Variants in PCDHGA1 observed in about 807,000 individuals in gnomAD.
The protein encoded by PCDHGA1 is protocadherin gamma subfamily A, 1.
A neutral mutation model predicts 58.0 loss-of-function variants in PCDHGA1; 32 were observed. The ratio of observed to expected loss-of-function variants is 0.55; its 90% CI spans 0.42 to 0.74. PCDHGA1 has a LOEUF of 0.74. Ranked by LOEUF, PCDHGA1 falls within the 30% of genes least tolerant of loss-of-function variation. The pLI, the probability that PCDHGA1 is intolerant of heterozygous loss-of-function variation, is 0.00. For missense variants in PCDHGA1, 1,205 were observed against 1,182.3 expected, an observed-to-expected ratio of 1.02 and a Z score of -0.28; for synonymous variants, 498 against 501.1, an observed-to-expected ratio of 0.99 and a Z score of 0.08.
intron 1 of PCDHGA1, among the ~76,000 whole-genome samples, chr5:141,455,549 C>G (rs911113181): frequency 1.3e-5 from 2 of 152,042 alleles, no homozygotes; most frequent in Non-Finnish European, 2.9e-5. Flanking sequence ...TCACGTAGCC[C>G]GAGAAAAAGC....
Position 141,366,053 on chromosome 5 carries a change from G to C in PCDHGA1, c.2421+32948G>C, listed in dbSNP as rs202185929. 161 of 1,614,252 alleles carry C rather than the reference G, an allele frequency of 1.0e-4. 1 individual carries two copies. The African/African-American group carries it at 1.7e-3, about 17-fold the overall frequency. On this transcript the variant is annotated intron_variant, in intron 1 of 3. Transcript: ENST00000517417. ...CCTCCCCACAGACGGTTCCACGGGCGTGGAGCTGGCGCCTCGCTCCGCAGA... is the reference window on the plus strand; with the variant it reads ...CCTCCCCACAGACGGTTCCACGGGCCTGGAGCTGGCGCCTCGCTCCGCAGA...
intron 1 of PCDHGA1, chr5:141,385,035 G>C: frequency 6.2e-7 from 1 of 1,614,164 alleles, no homozygotes; most frequent in East Asian, 2.2e-5. Context: ...TCGTACTGCT[G>C]GCGCTCAGGC....
At chr5:141,375,365 G>A (rs1227294856) in intron 1 of PCDHGA1, 1 of 1,613,790 alleles carries the variant, frequency 6.2e-7, no homozygotes, top group Non-Finnish European at 8.5e-7. Flanking sequence ...CACGGACAAA[G>A]GAACACCACC....
At chr5:141,405,330 T>C (rs750658260) in intron 1 of PCDHGA1, 1 of 1,614,206 alleles carries the variant, frequency 6.2e-7, no homozygotes, top group East Asian at 2.2e-5. Context: ...CCTTTGTGCG[T>C]CTCTGTTGAT....
intron 1 of PCDHGA1, chr5:141,374,893 T>C (rs1261699013): frequency 1.9e-6 from 3 of 1,613,834 alleles, no homozygotes. Context: ...CCGACCAGGA[T>C]GAAGGAGTCC....
rs527630741 is a variant in PCDHGA1, at chr5:141,493,568, G to A, written c.2422-1239G>A. ...TTGGAGATTGAGTTCCCCCAGCTCC[G>A]TTTCCTCCTATCACAATCACTGCAT... is the stretch of plus-strand genomic sequence containing the variant. On this transcript the variant is annotated intron_variant, in intron 1 of 3. Coordinates refer to ENST00000517417, the MANE Select transcript of PCDHGA1 (RefSeq NM_018912.3). This position sits in a 1 kb window ranked among gnomAD's most constrained non-coding sequence, Gnocchi z 4.3. 3.9e-5 allele frequency among the ~76,000 whole-genome samples: 6 copies of A among 152,250 alleles called. No homozygotes were observed. Among genetic ancestry groups the A allele is most frequent in the African/African-American group, 9.6e-5 (4 of 41,550 alleles).
intron 1 of PCDHGA1, chr5:141,403,515 G>A: frequency 6.2e-7 from 1 of 1,614,024 alleles, no homozygotes; most frequent in Non-Finnish European, 8.5e-7. Context: ...GGAGACAATG[G>A]AGCCATAAAC....
At chr5:141,384,620 G>T in intron 1 of PCDHGA1, 1 of 1,614,200 alleles carries the variant, frequency 6.2e-7, no homozygotes, top group Non-Finnish European at 8.5e-7. Flanking sequence ...GGTTCTACTG[G>T]CATGGAGCTG....
chr5:141,365,759 C>T (rs376978243), intron 1 of PCDHGA1: 1 of 1,613,860 alleles, frequency 6.2e-7, no homozygotes, highest in South Asian at 1.1e-5. Flanking sequence ...TGTGACAGCC[C>T]ATGACCCCGA....
chr5:141,383,476 G>A, intron 1 of PCDHGA1: 1 of 1,613,748 alleles, frequency 6.2e-7, no homozygotes, highest in Non-Finnish European at 8.5e-7. Flanking sequence ...TAAGTACCCG[G>A]AACTGGTGCT....
rs187488785 is a variant in PCDHGA1 at position 141,461,744 on chromosome 5, C to T, written c.2422-33063C>T. 5.9e-5 allele frequency among the ~76,000 whole-genome samples: 9 copies of T among 152,302 alleles called. No individual in the cohort carries two copies. The East Asian group carries it at 1.7e-3, about 29-fold the overall frequency. On this transcript the variant is annotated intron_variant, in intron 1 of 3. Transcript: ENST00000517417. ...GGAGTGCAGTGGCACAATCCCGGCT[C>T]CCAGATTCAAGCGATTCTCCTGCCT...
At chr5:141,398,895 A>G (rs2093721929) in intron 1 of PCDHGA1, 3 of 1,613,988 alleles carry the variant, frequency 1.9e-6, no homozygotes, top group African/African-American at 1.3e-5. Flanking sequence ...AAAACGTGCC[A>G]CCAGGCACCA....
intron 1 of PCDHGA1, chr5:141,340,417 C>T (rs745593461): frequency 1.2e-6 from 2 of 1,614,196 alleles, no homozygotes; most frequent in East Asian, 2.2e-5. Flanking sequence ...CCGACAGCAA[C>T]GACAATGCTC....
intron 1 of PCDHGA1, chr5:141,371,564 C>T (rs1767846992): frequency 6.2e-7 from 1 of 1,613,818 alleles, no homozygotes; most frequent in Non-Finnish European, 8.5e-7. Context: ...AAGGAAACTT[C>T]CCCTTTAAAA....
chr5:141,423,809 G>C, intron 1 of PCDHGA1: 1 of 1,260,030 alleles, frequency 7.9e-7, no homozygotes, highest in Non-Finnish European at 1.0e-6. Context: ...ATACATGTGA[G>C]TTTTACTTTG....
intron 1 of PCDHGA1, among the ~76,000 whole-genome samples, chr5:141,368,668 C>T (rs1198992123): frequency 1.3e-5 from 2 of 152,072 alleles, no homozygotes; most frequent in East Asian, 3.9e-4. Flanking sequence ...TCTTTAAACC[C>T]TCTATAAACT....
At chr5:141,341,237 G>C in intron 1 of PCDHGA1, 2 of 1,614,178 alleles carry the variant, frequency 1.2e-6, no homozygotes, top group Non-Finnish European at 1.7e-6. Flanking sequence ...CTATTCCCAC[G>C]AGGTCTCCCT....
chr5:141,448,524 T>C (rs1177408162), intron 1 of PCDHGA1, among the ~76,000 whole-genome samples: 1 of 152,194 alleles, frequency 6.6e-6, no homozygotes, highest in Non-Finnish European at 1.5e-5. Context: ...TTATTAAGCA[T>C]CCTGTCAGCA....
chr5:141,420,028 A>C, intron 1 of PCDHGA1: 2 of 1,614,076 alleles, frequency 1.2e-6, no homozygotes, highest in Non-Finnish European at 1.7e-6. Flanking sequence ...GCCCTACTGC[A>C]GGAGACTGCT....
Sources: allele counts gnomAD v4.1 joint callset (sites outside exome capture counted in the v4.1 genomes callset), GRCh38; gene constraint gnomAD v4.1.1; non-coding constraint Gnocchi (gnomAD v3.1); transcripts MANE v1.5; gene names NCBI Gene and HGNC (gene_info 2026-07-23, HGNC 2026-07-21).